The following CXCL14 variants were observed in gnomAD, a reference collection of about 807,000 sequenced individuals.
CXCL14 encodes the protein C-X-C motif chemokine ligand 14.
A neutral mutation model predicts 16.1 loss-of-function variants in CXCL14; 9 were observed. That is an observed-to-expected ratio of 0.56 (90% CI 0.34 to 0.97). The LOEUF is 0.97. CXCL14 is among the 50% of genes least tolerant of loss of function. The pLI is 0.02. For missense variants in CXCL14, 111 were observed against 132.5 expected, an observed-to-expected ratio of 0.84 and a Z score of 0.80; for synonymous variants, 55 against 52.8, an observed-to-expected ratio of 1.04 and a Z score of -0.18.
At chr5:135,578,010 T>C (rs938386225) in intron 2 of CXCL14, among the ~76,000 whole-genome samples, 44 of 152,182 alleles carry the variant, frequency 2.9e-4, no homozygotes, top group African/African-American at 1.1e-3. Context: ...GGATTTAAGA[T>C]AGTGTTTGCA....
At chr5:135,573,928 C>T (rs925396220) in intron 3 of CXCL14, among the ~76,000 whole-genome samples, 2 of 152,142 alleles carry the variant, frequency 1.3e-5, no homozygotes, top group Admixed American at 6.5e-5. Context: ...AAACAGTGCC[C>T]AGTAAGTACA....
chr5:135,577,258 A>T (rs1005472580), intron 2 of CXCL14, among the ~76,000 whole-genome samples: 6 of 152,068 alleles, frequency 3.9e-5, no homozygotes, highest in Non-Finnish European at 7.4e-5. Context: ...TTAGCCCCCA[A>T]ACTGGAAGCC....
At position 135,578,592 on chromosome 5, in the gene CXCL14, C is replaced by G. The variant is rs1352650812; in HGVS notation, c.65-53G>C. ...AGTTGCTAGGCGGTCTCCTGCCCCTCGACCACCTTGGTGCCCACCCAGACC... is the reference window on the plus strand; with the variant it reads ...AGTTGCTAGGCGGTCTCCTGCCCCTGGACCACCTTGGTGCCCACCCAGACC... On this transcript the variant is annotated intron_variant, in intron 1 of 3. Transcript: ENST00000512158. 2.5e-6 allele frequency: 4 copies of G among 1,600,128 alleles called. No homozygotes were observed. The East Asian group carries it at 6.7e-5, about 27-fold the overall frequency.
chr5:135,572,205 A>G (rs1330248586), intron 3 of CXCL14, among the ~76,000 whole-genome samples: 2 of 152,204 alleles, frequency 1.3e-5, no homozygotes, highest in Non-Finnish European at 2.9e-5. Flanking sequence ...ACCGACTGTT[A>G]GTGGCAGGAA....
chr5:135,578,697 G>A lies in CXCL14; in HGVS notation c.64+18C>T. On this transcript the variant is annotated intron_variant, in intron 1 of 3. Transcript: ENST00000512158. ...AGGACAAGACGAGACGGCGACAAGG[G>A]GAGCTCCCCGCACTCACCGTCCACA... 6.4e-7 allele frequency: 1 copy of A among 1,552,912 alleles called. No homozygotes were observed. The highest frequency in any genetic ancestry group is 8.7e-7 in the Non-Finnish European group (1 of 1,147,924).
chr5:135,573,537 G>T (rs1290415952), intron 3 of CXCL14, among the ~76,000 whole-genome samples: 1 of 152,124 alleles, frequency 6.6e-6, no homozygotes, highest in Non-Finnish European at 1.5e-5. Flanking sequence ...CTTCCACCCT[G>T]TGAGGGCAGC....
intron 3 of CXCL14, among the ~76,000 whole-genome samples, chr5:135,573,435 G>A (rs1378184283): frequency 6.6e-6 from 1 of 152,222 alleles, no homozygotes; most frequent in Non-Finnish European, 1.5e-5. Context: ...CCGAGTGTCA[G>A]CTCTGGGAGA....
At position 135,571,545 on chromosome 5, in the gene CXCL14, A is replaced by AT. The variant is rs1751027983; in HGVS notation, c.*307dup. 1.5e-5 allele frequency: 6 copies of AT among 392,500 alleles called. No homozygotes were observed. The Admixed American group carries it at 1.7e-4, about 11-fold the overall frequency. 24.3% of individuals were successfully genotyped at this position (392,500 alleles called of 1,614,324 possible). A position where few individuals can be genotyped will look rare whatever the true frequency, so the allele number is the denominator to read the frequency against. On this transcript the variant is annotated 3_prime_UTR_variant, in exon 4 of 4. Transcript: ENST00000512158. ...GACGTATGGACAAATACAAAAAAGC[A>AT]TTTTTTAAAAAGGAAAGGCATGAGT... is the stretch of plus-strand genomic sequence containing the variant.
At chr5:135,576,670 A>G (rs1172335198) in intron 2 of CXCL14, among the ~76,000 whole-genome samples, 1 of 152,088 alleles carries the variant, frequency 6.6e-6, no homozygotes, top group Non-Finnish European at 1.5e-5. Flanking sequence ...TGCTCTTTCT[A>G]GAATTCGGAC....
intron 2 of CXCL14, among the ~76,000 whole-genome samples, chr5:135,576,611 G>A (rs555182451): frequency 5.9e-5 from 9 of 152,262 alleles, no homozygotes; most frequent in African/African-American, 2.2e-4. Context: ...CAGTTCTGGC[G>A]GTGGGGGTAA....
chr5:135,577,692 T>C (rs1398168201), intron 2 of CXCL14, among the ~76,000 whole-genome samples: 1 of 152,148 alleles, frequency 6.6e-6, no homozygotes, highest in Non-Finnish European at 1.5e-5. Context: ...CAAGAGCATA[T>C]TGATGAGGAG....
intron 2 of CXCL14, among the ~76,000 whole-genome samples, chr5:135,577,548 G>A (rs1264760550): frequency 6.6e-6 from 1 of 152,234 alleles, no homozygotes; most frequent in Non-Finnish European, 1.5e-5. Context: ...CTTTGCGCCG[G>A]TGGGGGCCAG....
At chr5:135,574,938 G>T (rs1228589765) in intron 2 of CXCL14, among the ~76,000 whole-genome samples, 1 of 152,130 alleles carries the variant, frequency 6.6e-6, no homozygotes, top group Non-Finnish European at 1.5e-5. Context: ...TTTCCCCTGG[G>T]AGTCCTGAGA....
At position 135,574,682 on chromosome 5, in the gene CXCL14, G is replaced by T; in HGVS notation, c.174C>A (p.Ile58=). 1 of 1,613,374 alleles carries T rather than the reference G, an allele frequency of 6.2e-7. No individual in the cohort carries two copies. The highest frequency in any genetic ancestry group is 8.5e-7 in the Non-Finnish European group (1 of 1,179,492). The change falls in exon 3 of 4, where the codon ATC becomes ATA. Residue 58 remains isoleucine (I), a synonymous_variant. Coordinates refer to ENST00000512158, the MANE Select transcript of CXCL14 (RefSeq NM_004887.5). ...GGTACCTGGACACGCTCTTGGTGGT[G>T]ATGCTGAAACGGAGCAGGATGAGGT... is the stretch of plus-strand genomic sequence containing the variant. ...YPHCEEKMVI[I]TTKSVSRYRG...
At chr5:135,575,540 T>A (rs1256129301) in intron 2 of CXCL14, among the ~76,000 whole-genome samples, 1 of 152,242 alleles carries the variant, frequency 6.6e-6, no homozygotes, top group Non-Finnish European at 1.5e-5. Context: ...GATTAAAAGA[T>A]ACAATCTTTA....
chr5:135,573,938 A>G (rs936616610), intron 3 of CXCL14, among the ~76,000 whole-genome samples: 17 of 152,270 alleles, frequency 1.1e-4, no homozygotes, highest in African/African-American at 4.1e-4. Context: ...CAGTAAGTAC[A>G]GGGCTGGTTC....
At chr5:135,577,612 G>T (rs1305537868) in intron 2 of CXCL14, among the ~76,000 whole-genome samples, 1 of 152,228 alleles carries the variant, frequency 6.6e-6, no homozygotes, top group East Asian at 1.9e-4. Flanking sequence ...GTTTCTGGGG[G>T]AGGGGAAGAG....
At chr5:135,573,639 A>T (rs60875512) in intron 3 of CXCL14, among the ~76,000 whole-genome samples, 9,610 of 152,000 alleles carry the variant, frequency 0.063, 1,047 homozygotes, top group African/African-American at 0.22. Context: ...TAGCCTTGAT[A>T]TCCCCCTCTG....
chr5:135,576,069 G>A (rs966365499), intron 2 of CXCL14, among the ~76,000 whole-genome samples: 29 of 152,194 alleles, frequency 1.9e-4, no homozygotes, highest in African/African-American at 6.5e-4. Context: ...ATGTTCCTAG[G>A]CAACCTGTTC....
Sources: gnomAD v4.1 joint callset for allele counts (sites outside exome capture counted in the v4.1 genomes callset) on GRCh38, gnomAD v4.1.1 for gene constraint, MANE v1.5 for transcripts, NCBI Gene and HGNC (gene_info 2026-07-23, HGNC 2026-07-21) for gene names.